The following TAF4B variants were observed in gnomAD, a reference collection of about 807,000 sequenced individuals.
TAF4B encodes the protein transcription initiation factor TFIID subunit 4B.
Under a neutral mutation model 86.4 loss-of-function variants are expected in TAF4B, and 38 were observed. That is an observed-to-expected ratio of 0.44 (90% CI 0.34 to 0.58). The LOEUF (loss-of-function observed/expected upper bound fraction) is 0.58. TAF4B is among the 20% of genes least tolerant of loss of function. The probability of loss-of-function intolerance (pLI) is 0.02; values close to 1 mark genes in which losing one functional copy is unlikely to be tolerated. For synonymous variants in TAF4B, 388 were observed against 391.2 expected (o/e 0.99, Z 0.10); for missense variants, 988 against 1,027.6 (o/e 0.96, Z 0.53).
chr18:26,242,218 C>T (rs1417169642), intron 1 of TAF4B, among the ~76,000 whole-genome samples: 5 of 152,116 alleles, frequency 3.3e-5, no homozygotes, highest in Non-Finnish European at 7.4e-5. Flanking sequence ...GTGTGGGATT[C>T]TAAGTCTCTT....
rs1166788284 is a variant in TAF4B at position 26,285,969 on chromosome 18, A to G, written c.1060A>G (p.Ile354Val). Residue 354 changes from isoleucine (I) to valine (V), a missense_variant, in exon 7 of 15, where the codon ATT becomes GTT. Transcript: ENST00000269142. The part of the protein sequence containing the change: ...CVQQTSSDMV[I>V]ATCTTTVTTS... ...TCAGCAGACTTCTAGTGACATGGTC[A>G]TTGCTACCTGTACTACAACAGTAAC... The G allele has an allele frequency of 6.2e-7, 1 of 1,614,084 alleles. No individual in the cohort carries two copies. The highest frequency in any genetic ancestry group is 1.7e-5 in the Admixed American group (1 of 60,010).
intron 9 of TAF4B, chr18:26,295,344 A>G (rs1015859963): frequency 2.6e-5 from 5 of 192,324 alleles, no homozygotes; most frequent in Non-Finnish European, 5.4e-5. Flanking sequence ...ATTGGTCCCT[A>G]ACATTTTTGG....
At chr18:26,383,580 TGA>T (rs1978303832) in intron 14 of TAF4B, among the ~76,000 whole-genome samples, 1 of 152,178 alleles carries the variant, frequency 6.6e-6, no homozygotes, top group Admixed American at 6.5e-5. Context: ...ATCTGGAAAA[TGA>T]GAGAGCGTTC....
At chr18:26,233,907 A>G (rs1198181178) in intron 1 of TAF4B, among the ~76,000 whole-genome samples, 2 of 152,184 alleles carry the variant, frequency 1.3e-5, no homozygotes, top group Non-Finnish European at 2.9e-5. Flanking sequence ...TTCCTTTGGC[A>G]CACTTCACAG....
rs1449394096 is a variant in TAF4B, at chr18:26,324,313, T to C, written c.2134-2702T>C. Among the ~76,000 whole-genome samples, 4 of 152,200 alleles carry C rather than the reference T, an allele frequency of 2.6e-5. No homozygotes were observed. The East Asian group carries it at 5.8e-4, about 22-fold the overall frequency. On this transcript the variant is annotated intron_variant, in intron 11 of 14. Coordinates refer to ENST00000269142, the MANE Select transcript of TAF4B (RefSeq NM_005640.3). ...TTTTAGTAGAGATAGGGTTTCGCCATGTTGGCCAGGCTGGTCTCAAACTCC... is the reference window on the plus strand; with the variant it reads ...TTTTAGTAGAGATAGGGTTTCGCCACGTTGGCCAGGCTGGTCTCAAACTCC...
chr18:26,309,570 G>A (rs553585915), intron 9 of TAF4B, among the ~76,000 whole-genome samples: 2 of 151,900 alleles, frequency 1.3e-5, no homozygotes, highest in Admixed American at 6.6e-5. Flanking sequence ...AAAAATAGAA[G>A]GCAGTACCAC....
At chr18:26,297,575 A>G (rs953737371) in intron 9 of TAF4B, among the ~76,000 whole-genome samples, 2 of 152,162 alleles carry the variant, frequency 1.3e-5, no homozygotes, top group South Asian at 2.1e-4. Flanking sequence ...TATCATCAAT[A>G]TTCACACATC....
At position 26,292,352 on chromosome 18, in the gene TAF4B, C is replaced by T; in HGVS notation, c.1697C>T (p.Thr566Ile). The T allele has an allele frequency of 6.2e-7, 1 of 1,614,066 alleles. No homozygotes were observed. The highest frequency in any genetic ancestry group is 8.5e-7 in the Non-Finnish European group (1 of 1,179,976). ...KCGQKTMPVN[T>I]IIPTSQFPPA... ...GGACAGAAGACGATGCCAGTGAACA[C>T]CATAATACCTACTAGTCAGTTTCCT... is the stretch of plus-strand genomic sequence containing the variant. Residue 566 changes from threonine to isoleucine, a missense_variant, in exon 8 of 15, where the codon ACC (threonine) becomes ATC (isoleucine). By Grantham distance (89) the Thr-to-Ile change is moderately conservative. This residue lies in a region of TAF4B where 747 missense variants were observed against 737.9 expected (regional missense o/e 1.01). Coordinates refer to ENST00000269142, the MANE Select transcript of TAF4B (RefSeq NM_005640.3).
At chr18:26,295,984 G>A (rs2056657360) in intron 9 of TAF4B, among the ~76,000 whole-genome samples, 1 of 39,680 alleles carries the variant, frequency 2.5e-5, no homozygotes, top group South Asian at 1.7e-3. Context: ...TCTTGTTCAC[G>A]ATTTTGTGTG....
At chr18:26,306,120 G>A (rs1330219651) in intron 9 of TAF4B, among the ~76,000 whole-genome samples, 1 of 152,048 alleles carries the variant, frequency 6.6e-6, no homozygotes, top group Non-Finnish European at 1.5e-5. Flanking sequence ...TCTGTTCTTC[G>A]GACACACTAG....
chr18:26,354,262 C>T (rs2057268537), intron 13 of TAF4B, among the ~76,000 whole-genome samples: 2 of 152,082 alleles, frequency 1.3e-5, no homozygotes, highest in African/African-American at 4.8e-5. Flanking sequence ...TTAGTAGAGA[C>T]GGGGTTTCAC....
At position 26,293,322 on chromosome 18, in the gene TAF4B, T is replaced by C. The variant is rs2056618948; in HGVS notation, c.1727-104T>C. ...ATAGTTCTAGGGCAGCTTGGAATTTTCTTTGATTATTCTATATATATAAAA... is the reference window on the plus strand; with the variant it reads ...ATAGTTCTAGGGCAGCTTGGAATTTCCTTTGATTATTCTATATATATAAAA... On this transcript the variant is annotated intron_variant, in intron 8 of 14. Transcript: ENST00000269142. 9 of 695,198 alleles carry C rather than the reference T, an allele frequency of 1.3e-5. No homozygotes were observed. In the South Asian group the frequency reaches 1.7e-4, roughly 13 times the overall value. The allele number at this position is 695,198 out of a possible 1,614,324, so 43.1% of individuals were successfully genotyped here. A position where few individuals can be genotyped will look rare whatever the true frequency, so the allele number is the denominator to read the frequency against.
chr18:26,258,517 T>C (rs1367490314), intron 1 of TAF4B, among the ~76,000 whole-genome samples: 3 of 152,152 alleles, frequency 2.0e-5, no homozygotes, highest in Non-Finnish European at 4.4e-5. Flanking sequence ...TAAAAACCAG[T>C]TATGAAAGAA....
At chr18:26,242,930 G>A (rs1256430664) in intron 1 of TAF4B, among the ~76,000 whole-genome samples, 1 of 152,212 alleles carries the variant, frequency 6.6e-6, no homozygotes, top group Non-Finnish European at 1.5e-5. Context: ...CTTCTGGCTT[G>A]TAGAGTTTCT....
At chr18:26,321,547 C>A (rs2056962760) in intron 11 of TAF4B, among the ~76,000 whole-genome samples, 1 of 49,538 alleles carries the variant, frequency 2.0e-5, no homozygotes, top group Non-Finnish European at 5.7e-5. Context: ...CATTCCTGTT[C>A]CTTTTTTTTT....
chr18:26,369,162 T>C (rs953720625), intron 14 of TAF4B, among the ~76,000 whole-genome samples: 2 of 152,056 alleles, frequency 1.3e-5, no homozygotes, highest in African/African-American at 4.8e-5. Flanking sequence ...GAAAAACCTT[T>C]ATGTGAAAGA....
chr18:26,288,693 AC>A (rs2144602945), intron 7 of TAF4B, among the ~76,000 whole-genome samples: 1 of 152,262 alleles, frequency 6.6e-6, no homozygotes, highest in East Asian at 1.9e-4. Flanking sequence ...TCAGACTAGA[AC>A]CCAGATGACT....
In TAF4B at chr18:26,383,844, G is replaced by A. The variant is rs553689661; in HGVS notation, c.2422-6001G>A. ...TAAAATGAAGGTGATAAAGATGAGAGATCTGTTGCTTCAGAAGTTCTGCTT... is the reference window on the plus strand; with the variant it reads ...TAAAATGAAGGTGATAAAGATGAGAAATCTGTTGCTTCAGAAGTTCTGCTT... On this transcript the variant is annotated intron_variant, in intron 14 of 14. Coordinates refer to ENST00000269142, the MANE Select transcript of TAF4B (RefSeq NM_005640.3). Among the ~76,000 whole-genome samples, 7 of 152,280 alleles carry A rather than the reference G, an allele frequency of 4.6e-5. No homozygotes were observed. The South Asian group carries it at 1.5e-3, about 32-fold the overall frequency.
At chr18:26,228,413 A>C (rs1403397629) in intron 1 of TAF4B, among the ~76,000 whole-genome samples, 1 of 152,200 alleles carries the variant, frequency 6.6e-6, no homozygotes, top group East Asian at 1.9e-4. Context: ...TTTCAGTTTT[A>C]TATGGTATAC....
Sources: allele counts gnomAD v4.1 joint callset (sites outside exome capture counted in the v4.1 genomes callset), GRCh38; gene constraint gnomAD v4.1.1; regional missense constraint gnomAD v4.1.1; transcripts MANE v1.5; gene names NCBI Gene and HGNC (gene_info 2026-07-23, HGNC 2026-07-21).